The following RGS10 variants were observed in gnomAD, a reference collection of about 807,000 sequenced individuals.
RGS10 encodes the protein regulator of G protein signaling 10.
RGS10 carries 11 observed loss-of-function variants against 23.5 expected under a neutral mutation model. The observed-to-expected ratio is 0.47, with a 90% CI of 0.29 to 0.77. The LOEUF (loss-of-function observed/expected upper bound fraction) is 0.77. Among genes scored for constraint, RGS10 ranks in the 30% least tolerant of loss-of-function variants. The pLI, the probability that RGS10 is intolerant of heterozygous loss-of-function variation, is 0.08. For missense variants in RGS10, 180 were observed against 226.3 expected, an observed-to-expected ratio of 0.80 and a Z score of 1.31; for synonymous variants, 77 against 83.2, an observed-to-expected ratio of 0.92 and a Z score of 0.41.
rs561900131 is a variant in RGS10 at position 119,503,351 on chromosome 10, A to G, written c.400-3092T>C. On this transcript the variant is annotated intron_variant, in intron 4 of 4. Coordinates refer to ENST00000369103, the MANE Select transcript of RGS10 (RefSeq NM_001005339.2). ...CCAGACCCTGTCTCAAAAAAAAAAA[A>G]AAAAGAGAATGCACCTAAAACTTTC... Among the ~76,000 whole-genome samples the G allele has an allele frequency of 3.4e-3, 524 of 152,064 alleles. 5 individuals carry two copies. Among genetic ancestry groups the G allele is most frequent in the African/African-American group, 0.012 (487 of 41,468 alleles).
chr10:119,534,300 TAAATAAA>T lies in RGS10; in HGVS notation c.50-6883_50-6877del, dbSNP rs1320696453. Among the ~76,000 whole-genome samples the T allele has an allele frequency of 9.6e-3, 884 of 92,376 alleles. 5 individuals are homozygous for T. The highest frequency in any genetic ancestry group is 0.016 in the Non-Finnish European group (616 of 37,926). The allele number at this position is 92,376 out of a possible 152,430, so 60.6% of individuals were successfully genotyped here. On this transcript the variant is annotated intron_variant, in intron 1 of 4. Transcript: ENST00000369103. ...ATAAATAAATAAATAAATAAATAAA[TAAATAAA>T]AAAGGCCAGGCACTGTGGCTCATGT...
intron 1 of RGS10, among the ~76,000 whole-genome samples, chr10:119,531,613 A>G (rs1269702611): frequency 2.0e-5 from 3 of 152,146 alleles, no homozygotes; most frequent in Admixed American, 2.0e-4. Flanking sequence ...CTCAAAACAC[A>G]CTAATGTGGT....
chr10:119,537,144 G>A (rs1844395435), intron 1 of RGS10, among the ~76,000 whole-genome samples: 1 of 152,190 alleles, frequency 6.6e-6, no homozygotes, highest in Non-Finnish European at 1.5e-5. Context: ...TGTAATCCCA[G>A]CACTTTGGGA....
Position 119,534,821 on chromosome 10 carries a change from C to A in RGS10, c.50-7397G>T, listed in dbSNP as rs188581988. Reference sequence around the variant, plus strand: ...AGGAGGATTGCTTGAACCTGGGAGGCGGAGGTTGCAGTGAGCCGAGATCAA... The same window carrying A: ...AGGAGGATTGCTTGAACCTGGGAGGAGGAGGTTGCAGTGAGCCGAGATCAA... On this transcript the variant is annotated intron_variant, in intron 1 of 4. Transcript: ENST00000369103. 1.4e-3 allele frequency among the ~76,000 whole-genome samples: 216 copies of A among 151,436 alleles called. 1 individual carries two copies. The highest frequency in any genetic ancestry group is 5.1e-3 in the African/African-American group (210 of 41,222).
chr10:119,535,566 G>C (rs1391265393), intron 1 of RGS10, among the ~76,000 whole-genome samples: 1 of 152,156 alleles, frequency 6.6e-6, no homozygotes, highest in African/African-American at 2.4e-5. Flanking sequence ...AACACTCATC[G>C]GAGATGAATG....
chr10:119,523,864 T>A (rs1251858039), intron 3 of RGS10, among the ~76,000 whole-genome samples: 3 of 152,128 alleles, frequency 2.0e-5, no homozygotes, highest in Admixed American at 2.0e-4. Flanking sequence ...CTACAGGGGC[T>A]TTCCCAGCCC....
chr10:119,526,595 C>T (rs963194335), intron 2 of RGS10, among the ~76,000 whole-genome samples: 1 of 152,190 alleles, frequency 6.6e-6, no homozygotes, highest in African/African-American at 2.4e-5. Context: ...ATGGCACAGC[C>T]AGCTACTCTG....
In RGS10 at chr10:119,517,917, G is replaced by A. The variant is rs1844164505; in HGVS notation, c.256-2265C>T. 6.6e-6 allele frequency among the ~76,000 whole-genome samples: 1 copy of A among 152,090 alleles called. No individual in the cohort carries two copies. Among genetic ancestry groups the A allele is most frequent in the Non-Finnish European group, 1.5e-5 (1 of 68,026 alleles). On this transcript the variant is annotated intron_variant, in intron 3 of 4. Coordinates refer to ENST00000369103, the MANE Select transcript of RGS10 (RefSeq NM_001005339.2). The surrounding 1 kb of genome is among the most constrained non-coding windows in gnomAD (Gnocchi z 5.0). ...TGCGTGAGAACAATGTGGGGTTCAA[G>A]GCCCTGGCTGACCAGATGCCCACTG...
In RGS10 at chr10:119,534,187, C is replaced by T. The variant is rs1215183468; in HGVS notation, c.50-6763G>A. On this transcript the variant is annotated intron_variant, in intron 1 of 4. Coordinates refer to ENST00000369103, the MANE Select transcript of RGS10 (RefSeq NM_001005339.2). Reference sequence around the variant, plus strand: ...AGGAGAATCACTTGAACCCGGGAGGCGGAGGTTGCAGTGAGCTGAGATCAT... The same window carrying T: ...AGGAGAATCACTTGAACCCGGGAGGTGGAGGTTGCAGTGAGCTGAGATCAT... Among the ~76,000 whole-genome samples, 5 of 151,282 alleles carry T rather than the reference C, an allele frequency of 3.3e-5. No homozygotes were observed. In the East Asian group the frequency reaches 5.8e-4, roughly 18 times the overall value.
intron 3 of RGS10, among the ~76,000 whole-genome samples, chr10:119,519,442 T>C: frequency 7.5e-6 from 1 of 132,724 alleles, no homozygotes; most frequent in Admixed American, 7.5e-5. Context: ...TCCCTGTCTG[T>C]CCCCCAGCTC....
At chr10:119,521,887 C>T (rs531759470) in intron 3 of RGS10, among the ~76,000 whole-genome samples, 1 of 152,144 alleles carries the variant, frequency 6.6e-6, no homozygotes, top group East Asian at 1.9e-4. Context: ...AATAACATTT[C>T]CACTCAACAA....
chr10:119,505,322 C>CTT (rs11317053), intron 4 of RGS10, among the ~76,000 whole-genome samples: 45 of 90,042 alleles, frequency 5.0e-4, no homozygotes, highest in South Asian at 1.2e-3. Flanking sequence ...CATTCTGCAT[C>CTT]TTTTTTTTTT....
intron 1 of RGS10, chr10:119,536,410 G>A: frequency 1.3e-6 from 2 of 1,559,208 alleles, no homozygotes; most frequent in Non-Finnish European, 1.8e-6. Context: ...CCCGCCCAGG[G>A]CCAAGGCGAC....
At chr10:119,512,978 G>A (rs889974090) in intron 4 of RGS10, among the ~76,000 whole-genome samples, 1 of 152,166 alleles carries the variant, frequency 6.6e-6, no homozygotes, top group Non-Finnish European at 1.5e-5. Context: ...CATCTGTTAG[G>A]GGCATGTGCA....
At chr10:119,509,498 G>A (rs534209496) in intron 4 of RGS10, among the ~76,000 whole-genome samples, 160 of 151,526 alleles carry the variant, frequency 1.1e-3, no homozygotes, top group Non-Finnish European at 1.8e-3. Context: ...GGCTGAGGTG[G>A]GAGGATTGCT....
chr10:119,537,403 G>GA (rs1844399998), intron 1 of RGS10, among the ~76,000 whole-genome samples: 2 of 144,328 alleles, frequency 1.4e-5, no homozygotes, highest in Admixed American at 1.4e-4. Flanking sequence ...AAAAGAAAAA[G>GA]AAAAGTTGAC....
intron 4 of RGS10, among the ~76,000 whole-genome samples, chr10:119,511,575 C>T (rs11198982): frequency 0.043 from 6,613 of 152,246 alleles, 259 homozygotes; most frequent in East Asian, 0.19. Context: ...GCAGAGATGG[C>T]ACCATTGTAC....
rs1049847212 is a variant in RGS10 at position 119,517,026 on chromosome 10, C to G, written c.256-1374G>C. ...ACATGTGTGTGGGGGGCCTGGAAAA[C>G]TGCCTTTCTCTCCAAGAGCCCAACT... is the stretch of plus-strand genomic sequence containing the variant. On this transcript the variant is annotated intron_variant, in intron 3 of 4. Transcript: ENST00000369103. The surrounding 1 kb of genome is among the most constrained non-coding windows in gnomAD (Gnocchi z 5.0). 2.0e-5 allele frequency among the ~76,000 whole-genome samples: 3 copies of G among 152,240 alleles called. No individual in the cohort carries two copies. In the South Asian group the frequency reaches 6.2e-4, roughly 31 times the overall value.
chr10:119,542,695 G>C lies in RGS10; in HGVS notation c.-57C>G, dbSNP rs1268778532. On this transcript the variant is annotated 5_prime_UTR_variant, in exon 1 of 5. Transcript: ENST00000369103. ...AGCCCGGCGGCGCGGCGGCTGAGCC[G>C]GAGGAAGGCGAGGAGGAGGAGGAGG... The C allele has an allele frequency of 7.6e-6, 10 of 1,321,220 alleles. No individual in the cohort carries two copies. The Admixed American group carries it at 3.1e-4, about 40-fold the overall frequency. 81.8% of individuals were successfully genotyped at this position (1,321,220 alleles called of 1,614,324 possible).
Sources: allele counts gnomAD v4.1 joint callset (sites outside exome capture counted in the v4.1 genomes callset), GRCh38; gene constraint gnomAD v4.1.1; non-coding constraint Gnocchi (gnomAD v3.1); transcripts MANE v1.5; gene names NCBI Gene and HGNC (gene_info 2026-07-23, HGNC 2026-07-21).